ELMO1: variants seen among roughly 807,000 people sequenced by gnomAD.
ELMO1 encodes engulfment and cell motility protein 1.
ELMO1 carries 26 observed loss-of-function variants against 98.9 expected under a neutral mutation model. The observed-to-expected ratio is 0.26, with a 90% confidence interval of 0.19 to 0.36. The LOEUF (loss-of-function observed/expected upper bound fraction) is 0.36. Among genes scored for constraint, ELMO1 ranks in the 10% least tolerant of loss-of-function variants. The pLI is 1.00. For synonymous variants in ELMO1, 346 were observed against 346.0 expected (o/e 1.00, Z 0.00); for missense variants, 627 against 935.2 (o/e 0.67, Z 4.30).
rs546497486 is a variant in ELMO1, at chr7:37,006,729, G to A, written c.1437+6570C>T. Among the ~76,000 whole-genome samples, 31 of 152,276 alleles carry A rather than the reference G, an allele frequency of 2.0e-4. No individual in the cohort carries two copies. In the East Asian group the frequency reaches 6.0e-3, roughly 29 times the overall value. On this transcript the variant is annotated intron_variant, in intron 16 of 21. Coordinates refer to ENST00000310758, the MANE Select transcript of ELMO1 (RefSeq NM_014800.11). Reference sequence around the variant, plus strand: ...AAATACCTATAAAACTCTCTAGCGGGGTGATAATGCAAAAGAGAAGGAGAA... The same window carrying A: ...AAATACCTATAAAACTCTCTAGCGGAGTGATAATGCAAAAGAGAAGGAGAA...
chr7:37,391,368 G>A (rs951964083), intron 1 of ELMO1, among the ~76,000 whole-genome samples: 4 of 152,074 alleles, frequency 2.6e-5, no homozygotes, highest in Admixed American at 6.6e-5. Context: ...CTGCCACCCC[G>A]GCCCCCCGAA....
chr7:37,184,471 T>G (rs1791073933), intron 13 of ELMO1, among the ~76,000 whole-genome samples: 1 of 152,134 alleles, frequency 6.6e-6, no homozygotes, highest in African/African-American at 2.4e-5. Context: ...TGATATGGGC[T>G]CCTGTAATTG....
chr7:37,304,901 T>C (rs926450015), intron 4 of ELMO1, among the ~76,000 whole-genome samples: 1 of 152,196 alleles, frequency 6.6e-6, no homozygotes, highest in African/African-American at 2.4e-5. Flanking sequence ...CATTCAGTTG[T>C]TCCTCGGTTA....
At chr7:37,370,710 C>T (rs937103175) in intron 1 of ELMO1, among the ~76,000 whole-genome samples, 2 of 152,150 alleles carry the variant, frequency 1.3e-5, no homozygotes. Context: ...CCCCGCCAAG[C>T]TGACACCATT....
chr7:37,038,352 TG>T (rs1795309020), intron 15 of ELMO1, among the ~76,000 whole-genome samples: 1 of 152,182 alleles, frequency 6.6e-6, no homozygotes, highest in African/African-American at 2.4e-5. Flanking sequence ...CTGGCCTGCC[TG>T]TGCAAGCTCA....
intron 13 of ELMO1, among the ~76,000 whole-genome samples, chr7:37,169,074 A>C (rs1158994068): frequency 5.3e-5 from 8 of 151,978 alleles, no homozygotes; most frequent in South Asian, 2.1e-4. Flanking sequence ...CTCGCTGCCG[A>C]CTTGCAGTTT....
intron 13 of ELMO1, among the ~76,000 whole-genome samples, chr7:37,148,955 A>G (rs1788179538): frequency 1.3e-5 from 2 of 152,216 alleles, no homozygotes; most frequent in African/African-American, 2.4e-5. Context: ...CAAAGAACAC[A>G]GCACATGTGC....
intron 13 of ELMO1, among the ~76,000 whole-genome samples, chr7:37,206,462 G>A (rs1792625706): frequency 1.3e-5 from 2 of 152,136 alleles, no homozygotes; most frequent in Non-Finnish European, 1.5e-5. Context: ...GCTTCCTTCC[G>A]TAGTATTAGG....
chr7:36,918,792 T>C (rs1784909164), intron 16 of ELMO1, among the ~76,000 whole-genome samples: 2 of 152,250 alleles, frequency 1.3e-5, no homozygotes, highest in Admixed American at 1.3e-4. Context: ...GTATACAGTA[T>C]GGTACCCCAT....
intron 16 of ELMO1, among the ~76,000 whole-genome samples, chr7:36,912,229 T>G (rs1784391200): frequency 6.6e-6 from 1 of 152,190 alleles, no homozygotes; most frequent in Non-Finnish European, 1.5e-5. Flanking sequence ...TGCATAGATG[T>G]ACTGGAGCTG....
At chr7:37,443,323 T>C (rs1173263391) in intron 1 of ELMO1, among the ~76,000 whole-genome samples, 1 of 152,214 alleles carries the variant, frequency 6.6e-6, no homozygotes, top group Non-Finnish European at 1.5e-5. Context: ...GTAGCCTCAA[T>C]TCCTAAAATT....
At chr7:37,301,722 A>G (rs1385753437) in intron 4 of ELMO1, among the ~76,000 whole-genome samples, 1 of 152,190 alleles carries the variant, frequency 6.6e-6, no homozygotes, top group Non-Finnish European at 1.5e-5. Flanking sequence ...GGTGAATCCC[A>G]ATTTCTCCCA....
chr7:37,353,273 C>G (rs1409304036), intron 1 of ELMO1: 2 of 152,208 alleles, frequency 1.3e-5, no homozygotes, highest in African/African-American at 2.4e-5. Context: ...AAGAATGAAG[C>G]AGCGAACTGT....
At chr7:37,228,226 T>C (rs1584840805) in intron 8 of ELMO1, among the ~76,000 whole-genome samples, 2 of 152,256 alleles carry the variant, frequency 1.3e-5, no homozygotes, top group East Asian at 3.8e-4. Context: ...TCCAGGGAGC[T>C]TGAGACCAAC....
chr7:36,885,446 T>C (rs1736237797), intron 18 of ELMO1, among the ~76,000 whole-genome samples: 1 of 152,162 alleles, frequency 6.6e-6, no homozygotes, highest in South Asian at 2.1e-4. Context: ...CATGACGCAG[T>C]AGACTAGAAG....
At chr7:37,432,661 C>T (rs1732000) in intron 1 of ELMO1, among the ~76,000 whole-genome samples, 146,114 of 152,330 alleles carry the variant, frequency 0.96, 70,311 homozygotes, top group Non-Finnish European at 1. Flanking sequence ...ATGTAATAAA[C>T]GAAATGTGGG....
intron 4 of ELMO1, among the ~76,000 whole-genome samples, chr7:37,313,791 C>A (rs1799011265): frequency 6.6e-6 from 1 of 152,146 alleles, no homozygotes; most frequent in Admixed American, 6.5e-5. Flanking sequence ...AAATTACAGT[C>A]ACTCTAGGGA....
intron 1 of ELMO1, among the ~76,000 whole-genome samples, chr7:37,372,791 T>C (rs968252392): frequency 6.6e-6 from 1 of 152,240 alleles, no homozygotes; most frequent in Non-Finnish European, 1.5e-5. Flanking sequence ...TCTAGATTAA[T>C]ACCTCACTCA....
rs979721637 is a variant in ELMO1 at position 37,250,540 on chromosome 7, C to T, written c.414-6149G>A. On this transcript the variant is annotated intron_variant, in intron 6 of 21. Transcript: ENST00000310758. ...AAGTTAATTTAAAAAAACTTTCCAT[C>T]CAAGCACTTTGGGAGGCCGAGGCGG... 2.0e-5 allele frequency among the ~76,000 whole-genome samples: 3 copies of T among 152,050 alleles called. No individual in the cohort carries two copies. The South Asian group carries it at 6.2e-4, about 32-fold the overall frequency.
Sources: allele counts gnomAD v4.1 joint callset (sites outside exome capture counted in the v4.1 genomes callset), GRCh38; gene constraint gnomAD v4.1.1; transcripts MANE v1.5; gene names NCBI Gene and HGNC (gene_info 2026-07-23, HGNC 2026-07-21).